MARCHF1: variants seen among roughly 807,000 people sequenced by gnomAD.
The protein encoded by MARCHF1 is membrane associated ring-CH-type finger 1.
MARCHF1 carries 40 observed loss-of-function variants against 54.2 expected under a neutral mutation model. The observed-to-expected ratio is 0.74, with a 90% CI of 0.57 to 0.96. MARCHF1 has a LOEUF of 0.96. MARCHF1 is among the 40% of genes least tolerant of loss of function. The pLI, the probability that MARCHF1 is intolerant of heterozygous loss-of-function variation, is 0.00. For synonymous variants in MARCHF1, 236 were observed against 236.3 expected (o/e 1.00, Z 0.01); for missense variants, 586 against 656.5 (o/e 0.89, Z 1.17).
At chr4:163,935,113 A>G (rs72687918) in intron 3 of MARCHF1, among the ~76,000 whole-genome samples, 17,710 of 150,812 alleles carry the variant, frequency 0.12, 1,074 homozygotes, top group Non-Finnish European at 0.13. Context: ...TCAGAGCTCC[A>G]GAGTCATCTA....
chr4:163,949,393 G>C (rs1473074883), intron 3 of MARCHF1, among the ~76,000 whole-genome samples: 1 of 152,150 alleles, frequency 6.6e-6, no homozygotes, highest in Non-Finnish European at 1.5e-5. Context: ...GCCCTGGCTC[G>C]TGAAGCTCTA....
intron 3 of MARCHF1, among the ~76,000 whole-genome samples, chr4:163,913,491 T>C (rs6536761): frequency 0.92 from 140,129 of 152,030 alleles, 65,398 homozygotes; most frequent in South Asian, 0.99. Flanking sequence ...TCAAAGACAG[T>C]TGCTATTTTC....
chr4:163,757,240 TG>T (rs1272010404), intron 4 of MARCHF1, among the ~76,000 whole-genome samples: 1 of 152,218 alleles, frequency 6.6e-6, no homozygotes, highest in Non-Finnish European at 1.5e-5. Flanking sequence ...TGAGTTTCCA[TG>T]GTTGCTTCTC....
chr4:164,233,481 A>G (rs936906356), intron 1 of MARCHF1, among the ~76,000 whole-genome samples: 13 of 152,056 alleles, frequency 8.5e-5, no homozygotes, highest in African/African-American at 3.1e-4. Flanking sequence ...TGACTTTCCT[A>G]TTCATCTCCC....
At chr4:164,059,842 C>G (rs4691951) in intron 2 of MARCHF1, among the ~76,000 whole-genome samples, 1 of 151,852 alleles carries the variant, frequency 6.6e-6, no homozygotes, top group Non-Finnish European at 1.5e-5. Flanking sequence ...GATTAGATTT[C>G]ATCTTAATAT....
At chr4:163,737,399 A>C (rs1207788993) in intron 4 of MARCHF1, among the ~76,000 whole-genome samples, 1 of 46,344 alleles carries the variant, frequency 2.2e-5, no homozygotes. Context: ...CCAGAGTGTG[A>C]TATTCCCCTT....
intron 4 of MARCHF1, among the ~76,000 whole-genome samples, chr4:163,764,101 T>G (rs1423233351): frequency 6.6e-6 from 1 of 152,110 alleles, no homozygotes; most frequent in East Asian, 1.9e-4. Flanking sequence ...TATTCGTCTG[T>G]GCCTAAGTCA....
intron 3 of MARCHF1, among the ~76,000 whole-genome samples, chr4:163,970,342 A>G (rs1044250506): frequency 1.3e-5 from 2 of 152,218 alleles, no homozygotes; most frequent in African/African-American, 4.8e-5. Context: ...CATGGGTCCT[A>G]AAGTGCCTTG....
Position 163,720,033 on chromosome 4 carries a change from T to G in MARCHF1, c.112-19170A>C, listed in dbSNP as rs933050983. On this transcript the variant is annotated intron_variant, in intron 4 of 9. Transcript: ENST00000514618. Reference sequence around the variant, plus strand: ...CTGTGCAGAAGCTCTTTAGTTTAATTAGATCCCATTTGTCAATTTTGGCTT... The same window carrying G: ...CTGTGCAGAAGCTCTTTAGTTTAATGAGATCCCATTTGTCAATTTTGGCTT... Among the ~76,000 whole-genome samples the G allele has an allele frequency of 6.6e-5, 10 of 152,332 alleles. No homozygotes were observed. The East Asian group carries it at 1.2e-3, about 18-fold the overall frequency.
chr4:164,120,248 T>C (rs982209977), intron 1 of MARCHF1, among the ~76,000 whole-genome samples: 1 of 152,066 alleles, frequency 6.6e-6, no homozygotes, highest in African/African-American at 2.4e-5. Context: ...GAGGTCACTA[T>C]ATAATGACAA....
chr4:163,734,269 A>G (rs1310199106), intron 4 of MARCHF1, among the ~76,000 whole-genome samples: 1 of 152,172 alleles, frequency 6.6e-6, no homozygotes, highest in Non-Finnish European at 1.5e-5. Flanking sequence ...TAGTTTGGCA[A>G]CTTCTTAAAA....
intron 1 of MARCHF1, among the ~76,000 whole-genome samples, chr4:164,256,432 T>C (rs1190877904): frequency 8.2e-6 from 1 of 121,860 alleles, no homozygotes; most frequent in Non-Finnish European, 1.7e-5. Context: ...ACAAGAAGCT[T>C]AAAAAAAAAA....
At chr4:164,014,105 T>C (rs777198737) in intron 2 of MARCHF1, among the ~76,000 whole-genome samples, 6 of 151,924 alleles carry the variant, frequency 3.9e-5, no homozygotes, top group East Asian at 3.9e-4. Context: ...GGCAGGAGAA[T>C]TGTTTGAACC....
chr4:163,897,312 C>T (rs1750831662), intron 3 of MARCHF1, among the ~76,000 whole-genome samples: 1 of 152,118 alleles, frequency 6.6e-6, no homozygotes, highest in Non-Finnish European at 1.5e-5. Context: ...TGTGGCTTGC[C>T]TAACATATTC....
At chr4:163,874,030 A>G (rs1028931271) in intron 3 of MARCHF1, among the ~76,000 whole-genome samples, 1 of 152,232 alleles carries the variant, frequency 6.6e-6, no homozygotes, top group South Asian at 2.1e-4. Context: ...TAATTTAATA[A>G]GCATTCTCCT....
intron 4 of MARCHF1, among the ~76,000 whole-genome samples, chr4:163,819,884 A>C (rs899465576): frequency 6.6e-6 from 1 of 152,122 alleles, no homozygotes; most frequent in Non-Finnish European, 1.5e-5. Flanking sequence ...TGGACATCAT[A>C]AACTAGATGA....
chr4:163,881,285 G>A (rs1024198478), intron 3 of MARCHF1, among the ~76,000 whole-genome samples: 1 of 152,142 alleles, frequency 6.6e-6, no homozygotes, highest in Non-Finnish European at 1.5e-5. Flanking sequence ...GATCAGCCTG[G>A]CCAACATGGC....
In MARCHF1 at chr4:164,091,410, T is replaced by TTTTATATATATATATA. The variant is rs145149996; in HGVS notation, c.-248+20177_-248+20178insTATATATATATATAAA. On this transcript the variant is annotated intron_variant, in intron 2 of 9. Coordinates refer to ENST00000514618, the MANE Select transcript of MARCHF1 (RefSeq NM_001394959.1). ...AACAGGGGATAATTTTCACCAAGTTTTATATATATATATATATATGTATAA... is the reference window on the plus strand; with the variant it reads ...AACAGGGGATAATTTTCACCAAGTTTTTTATATATATATATATATATATATATATATATATGTATAA... Among the ~76,000 whole-genome samples the TTTTATATATATATATA allele has an allele frequency of 6.0e-3, 821 of 136,848 alleles. 6 individuals carry two copies. The highest frequency in any genetic ancestry group is 0.018 in the African/African-American group (652 of 36,706). 89.8% of individuals were successfully genotyped at this position (136,848 alleles called of 152,430 possible).
At chr4:164,070,423 A>G (rs1430987) in intron 2 of MARCHF1, among the ~76,000 whole-genome samples, 101,824 of 151,956 alleles carry the variant, frequency 0.67, 35,535 homozygotes, top group Non-Finnish European at 0.78. Context: ...GAATTTTACC[A>G]GAACGTATAT....
Sources: gnomAD v4.1 joint callset for allele counts (sites outside exome capture counted in the v4.1 genomes callset) on GRCh38, gnomAD v4.1.1 for gene constraint, MANE v1.5 for transcripts, NCBI Gene and HGNC (gene_info 2026-07-23, HGNC 2026-07-21) for gene names.